Variants in PCDH15 observed in about 807,000 individuals in gnomAD.
PCDH15 encodes protocadherin-15.
A neutral mutation model predicts 178.5 loss-of-function variants in PCDH15; 129 were observed. That is an observed-to-expected ratio of 0.72 (90% CI 0.63 to 0.84). The LOEUF (loss-of-function observed/expected upper bound fraction) is 0.84, where lower values mean the gene tolerates loss of function less well. Ranked by LOEUF, PCDH15 falls within the 40% of genes least tolerant of loss-of-function variation. PCDH15 has a pLI of 0.00. For missense variants in PCDH15, 2,230 were observed against 2,099.9 expected, an observed-to-expected ratio of 1.06 and a Z score of -1.21; for synonymous variants, 800 against 732.0, an observed-to-expected ratio of 1.09 and a Z score of -1.50.
chr10:53,902,633 A>G (rs1362717505), intron 26 of PCDH15, among the ~76,000 whole-genome samples: 2 of 152,164 alleles, frequency 1.3e-5, no homozygotes, highest in Non-Finnish European at 2.9e-5. Flanking sequence ...TTGATTATAA[A>G]CTATTATAAG....
At chr10:55,220,142 T>C (rs1409299685) in intron 1 of PCDH15, among the ~76,000 whole-genome samples, 1 of 151,978 alleles carries the variant, frequency 6.6e-6, no homozygotes, top group African/African-American at 2.4e-5. Context: ...ATCCTCTCAG[T>C]CCTAAGTATA....
At chr10:54,079,566 T>G in intron 16 of PCDH15, 142 bp from the exon 17 acceptor site, 1 of 794,002 alleles carries the variant, frequency 1.3e-6, no homozygotes, top group Non-Finnish European at 2.2e-6. Context: ...TGTATAATAC[T>G]AAGATTCATT....
chr10:54,881,985 A>T (rs569205495), intron 3 of PCDH15, among the ~76,000 whole-genome samples: 1 of 152,090 alleles, frequency 6.6e-6, no homozygotes, highest in African/African-American at 2.4e-5. Context: ...CATGAGGGCA[A>T]ATTTCTTTTC....
intron 1 of PCDH15, among the ~76,000 whole-genome samples, chr10:54,732,432 C>T (rs1159126777): frequency 6.6e-6 from 1 of 151,324 alleles, no homozygotes; most frequent in Non-Finnish European, 1.5e-5. Flanking sequence ...TTTGCAAATT[C>T]ACCAACAAAT....
intron 1 of PCDH15, among the ~76,000 whole-genome samples, chr10:55,276,978 T>C (rs1842611887): frequency 6.6e-6 from 1 of 152,046 alleles, no homozygotes; most frequent in South Asian, 2.1e-4. Context: ...TCTTTAAAGC[T>C]TTCTTTCTTG....
Position 53,831,372 on chromosome 10 carries a change from A to T in PCDH15, c.4145T>A (p.Phe1382Tyr). The T allele has an allele frequency of 6.2e-7, 1 of 1,614,136 alleles. No homozygotes were observed. The highest frequency in any genetic ancestry group is 8.5e-7 in the Non-Finnish European group (1 of 1,180,012). The stretch of plus-strand genomic sequence containing the variant: ...AGGAATGCAGCAGAGGATGATGATG[A>T]AGGCCAGAGCCAACAAGGCCCCTTC... ...YTEGALLALA[F>Y]IIILCCIPAI... The change falls in exon 30 of 38, where the codon TTC (phenylalanine) becomes TAC (tyrosine). Residue 1382 changes from phenylalanine to tyrosine, a missense_variant. Physicochemically the swap from Phe to Tyr is conservative, Grantham distance 22 (BLOSUM62 3). Coordinates refer to ENST00000644397, the MANE Select transcript of PCDH15 (RefSeq NM_001384140.1).
At chr10:54,807,223 ACAAT>A (rs1411643410) in intron 3 of PCDH15, among the ~76,000 whole-genome samples, 4 of 152,194 alleles carry the variant, frequency 2.6e-5, no homozygotes, top group African/African-American at 4.8e-5. Flanking sequence ...AAAATTCTGA[ACAAT>A]CAAACATACT....
intron 1 of PCDH15, among the ~76,000 whole-genome samples, chr10:55,252,426 T>C (rs1841862588): frequency 6.6e-6 from 1 of 152,116 alleles, no homozygotes; most frequent in African/African-American, 2.4e-5. Context: ...TACTCTTCCT[T>C]TTTAAAAAAT....
chr10:54,858,539 T>G (rs1253493569), intron 3 of PCDH15, among the ~76,000 whole-genome samples: 1 of 152,112 alleles, frequency 6.6e-6, no homozygotes, highest in African/African-American at 2.4e-5. Context: ...AAAGTTTAAA[T>G]TTTGGTGTTC....
chr10:55,577,132 C>T (rs1842511739), intron 2 of PCDH15, among the ~76,000 whole-genome samples: 2 of 151,980 alleles, frequency 1.3e-5, no homozygotes, highest in South Asian at 4.1e-4. Context: ...GTCCCAGCTA[C>T]TCGGGAGGCT....
chr10:55,125,887 T>A (rs961492670), intron 2 of PCDH15, among the ~76,000 whole-genome samples: 1 of 152,114 alleles, frequency 6.6e-6, no homozygotes, highest in Non-Finnish European at 1.5e-5. Flanking sequence ...GCCATCCATT[T>A]CATGATCTTA....
At chr10:53,988,522 C>T (rs1265168531) in intron 21 of PCDH15, among the ~76,000 whole-genome samples, 1 of 152,084 alleles carries the variant, frequency 6.6e-6, no homozygotes, top group African/African-American at 2.4e-5. Flanking sequence ...CCAAACATAG[C>T]CACCATGCAA....
intron 3 of PCDH15, among the ~76,000 whole-genome samples, chr10:54,426,683 G>T (rs1956305120): frequency 1.3e-5 from 2 of 151,908 alleles, no homozygotes; most frequent in Non-Finnish European, 2.9e-5. Context: ...AATTGAATTT[G>T]AATATCTTAA....
At chr10:54,240,186 T>C (rs1394389329) in intron 8 of PCDH15, among the ~76,000 whole-genome samples, 1 of 151,992 alleles carries the variant, frequency 6.6e-6, no homozygotes, top group Non-Finnish European at 1.5e-5. Flanking sequence ...CAGATTGAAA[T>C]GGTTCCTTAG....
At chr10:55,588,252 A>G (rs974410508) in intron 2 of PCDH15, among the ~76,000 whole-genome samples, 1 of 152,136 alleles carries the variant, frequency 6.6e-6, no homozygotes, top group African/African-American at 2.4e-5. Context: ...CCAGAAAATA[A>G]GTTGCTGGCA....
chr10:55,313,590 T>C (rs1229196757), intron 1 of PCDH15, among the ~76,000 whole-genome samples: 1 of 152,206 alleles, frequency 6.6e-6, no homozygotes, highest in African/African-American at 2.4e-5. Flanking sequence ...CTTTGAATTA[T>C]TAGGCAAATA....
At chr10:54,154,994 G>A (rs1336478290) in intron 13 of PCDH15, among the ~76,000 whole-genome samples, 1 of 152,134 alleles carries the variant, frequency 6.6e-6, no homozygotes. Context: ...ATTAGAGGAT[G>A]GGGATAACAG....
At chr10:54,452,679 T>A (rs1047181850) in intron 3 of PCDH15, among the ~76,000 whole-genome samples, 1 of 152,112 alleles carries the variant, frequency 6.6e-6, no homozygotes, top group Non-Finnish European at 1.5e-5. Flanking sequence ...CAAACACTTC[T>A]TGGATAGGTC....
At position 55,080,311 on chromosome 10, in the gene PCDH15, G is replaced by C. The variant is rs373447569; in HGVS notation, c.-80+86265C>G. Among the ~76,000 whole-genome samples the C allele has an allele frequency of 7.9e-5, 12 of 152,162 alleles. No individual in the cohort carries two copies. In the East Asian group the frequency reaches 1.5e-3, roughly 20 times the overall value. ...GCAGTGGCATTAGATTCTCATAGGA[G>C]TGCAAACCCTATTGTAAACTGTGCA... On this transcript the variant is annotated intron_variant, in intron 2 of 5. Coordinates refer to the PCDH15 transcript ENST00000458638.
Sources: allele counts gnomAD v4.1 joint callset (sites outside exome capture counted in the v4.1 genomes callset), GRCh38; gene constraint gnomAD v4.1.1; transcripts MANE v1.5; gene names NCBI Gene and HGNC (gene_info 2026-07-23, HGNC 2026-07-21).